Variants in SEMA6A observed in about 807,000 individuals in gnomAD.
SEMA6A encodes semaphorin 6A, also known as semaphorin-6A.
SEMA6A carries 25 observed loss-of-function variants against 96.8 expected under a neutral mutation model. That is an observed-to-expected ratio of 0.26 (90% CI 0.19 to 0.36). The LOEUF (loss-of-function observed/expected upper bound fraction) is 0.36, where lower values mean the gene tolerates loss of function less well. SEMA6A is among the 10% of genes least tolerant of loss of function. The probability of loss-of-function intolerance (pLI) is 1.00; values close to 1 mark genes in which losing one functional copy is unlikely to be tolerated. For synonymous variants in SEMA6A, 612 were observed against 518.0 expected (o/e 1.18, Z -2.46); for missense variants, 1,363 against 1,323.1 (o/e 1.03, Z -0.47).
chr5:116,510,891 G>A (rs748082633), intron 1 of SEMA6A, among the ~76,000 whole-genome samples: 3 of 152,162 alleles, frequency 2.0e-5, no homozygotes, highest in Non-Finnish European at 4.4e-5. Context: ...AGAAAGGACT[G>A]GGTGGAAGTG....
At chr5:116,495,545 T>C (rs1463741848) in intron 5 of SEMA6A, 31 bp from the exon 6 acceptor site, 2 of 1,467,910 alleles carry the variant, frequency 1.4e-6, no homozygotes, top group Admixed American at 3.9e-5. Flanking sequence ...TTTTGTATCA[T>C]GTCCATTCAG....
intron 1 of SEMA6A, among the ~76,000 whole-genome samples, chr5:116,518,302 G>A (rs1758760475): frequency 1.3e-5 from 2 of 152,136 alleles, no homozygotes; most frequent in African/African-American, 4.8e-5. Context: ...TTTTAAGTCT[G>A]AAATAAAATG....
At chr5:116,466,137 G>A (rs1322317524) in intron 18 of SEMA6A, among the ~76,000 whole-genome samples, 5 of 150,766 alleles carry the variant, frequency 3.3e-5, no homozygotes, top group Non-Finnish European at 7.4e-5. Flanking sequence ...TTGGGAAGCC[G>A]AGGCGGGTGG....
intron 1 of SEMA6A, among the ~76,000 whole-genome samples, chr5:116,532,738 AGACTTATCG>A (rs2112843693): frequency 6.6e-6 from 1 of 152,212 alleles, no homozygotes; most frequent in East Asian, 1.9e-4. Context: ...GAATCAGTAA[AGACTTATCG>A]GTACTGGAAA....
chr5:116,504,586 C>G (rs1451550137), intron 2 of SEMA6A, among the ~76,000 whole-genome samples: 2 of 152,162 alleles, frequency 1.3e-5, no homozygotes, highest in Non-Finnish European at 2.9e-5. Context: ...ACACGGCAGC[C>G]TCGATGTAGT....
In SEMA6A at chr5:116,473,365, C is replaced by A. The variant is rs528462056; in HGVS notation, c.1709-272G>T. On this transcript the variant is annotated intron_variant, in intron 16 of 18. Coordinates refer to ENST00000343348, the MANE Select transcript of SEMA6A (RefSeq NM_020796.5). ...CAAGAGTTGGCAGACGAAATGGTAA[C>A]TGCAATTATAGGTGACTTCGAGAGT... is the stretch of plus-strand genomic sequence containing the variant. Among the ~76,000 whole-genome samples the A allele has an allele frequency of 2.6e-5, 4 of 152,332 alleles. No homozygotes were observed. The South Asian group carries it at 8.3e-4, about 32-fold the overall frequency.
At chr5:116,518,971 T>C (rs1387945122) in intron 1 of SEMA6A, among the ~76,000 whole-genome samples, 2 of 152,036 alleles carry the variant, frequency 1.3e-5, no homozygotes, top group African/African-American at 4.8e-5. Context: ...TCCTACTGGG[T>C]TAACATAGTC....
chr5:116,541,607 C>T (rs1412191245), intron 1 of SEMA6A, among the ~76,000 whole-genome samples: 1 of 152,120 alleles, frequency 6.6e-6, no homozygotes, highest in Admixed American at 6.5e-5. Context: ...CTGAGGTGAG[C>T]TGATCACCTG....
chr5:116,454,256 C>G (rs947013670), intron 18 of SEMA6A, among the ~76,000 whole-genome samples: 2 of 152,100 alleles, frequency 1.3e-5, no homozygotes, highest in South Asian at 2.1e-4. Context: ...TGTGTTGGGT[C>G]TGAGAGCTAA....
At position 116,446,524 on chromosome 5, in the gene SEMA6A, G is replaced by T; in HGVS notation, c.*89C>A. On this transcript the variant is annotated 3_prime_UTR_variant, in exon 19 of 19. Coordinates refer to ENST00000343348, the MANE Select transcript of SEMA6A (RefSeq NM_020796.5). ...CTGCCGCAGGCCTTCTTGGTCTGGT[G>T]GGTACTCGAGGCAGTTGAGAACCTT... 1 of 1,126,752 alleles carries T rather than the reference G, an allele frequency of 8.9e-7. No individual in the cohort carries two copies. Among genetic ancestry groups the T allele is most frequent in the South Asian group, 1.9e-5 (1 of 51,800 alleles). The allele number at this position is 1,126,752 out of a possible 1,614,324, so 69.8% of individuals were successfully genotyped here. A position where few individuals can be genotyped will look rare whatever the true frequency, so the allele number is the denominator to read the frequency against.
rs141384844 is a variant in SEMA6A at position 116,493,588 on chromosome 5, C to T, written c.445-1758G>A. ...TTTTGTGCCTGAGCCACATGCCTCA[C>T]TTGCTCCACCCTAATCCTGGCCCTG... On this transcript the variant is annotated intron_variant, in intron 6 of 18. Transcript: ENST00000343348. Among the ~76,000 whole-genome samples, 29 of 152,264 alleles carry T rather than the reference C, an allele frequency of 1.9e-4. No homozygotes were observed. In the East Asian group the frequency reaches 5.6e-3, roughly 29 times the overall value.
In SEMA6A at chr5:116,477,888, A is replaced by T; in HGVS notation, c.1607T>A (p.Ile536Lys). 6.2e-7 allele frequency: 1 copy of T among 1,613,928 alleles called. No homozygotes were observed. Among genetic ancestry groups the T allele is most frequent in the Non-Finnish European group, 8.5e-7 (1 of 1,179,846 alleles). The change falls in exon 15 of 19, where the codon ATA becomes AAA. Residue 536 changes from isoleucine to lysine, a missense_variant. Coordinates refer to ENST00000343348, the MANE Select transcript of SEMA6A (RefSeq NM_020796.5). ...ATGGCTGCAGGCACCACCTTCCTTT[A>T]TCCATCCACAATATGGGTCTCTGGA... ...IASRDPYCGW[I>K]KEGGACSHLS...
intron 10 of SEMA6A, 33 bp downstream of exon 10, chr5:116,486,716 T>C (rs908515718): frequency 4.5e-6 from 7 of 1,561,308 alleles, no homozygotes; most frequent in Non-Finnish European, 4.4e-6. Context: ...CCAGGAAGAA[T>C]TGATGAGGTC....
chr5:116,518,612 AC>A (rs1758778182), intron 1 of SEMA6A, among the ~76,000 whole-genome samples: 1 of 152,230 alleles, frequency 6.6e-6, no homozygotes, highest in Non-Finnish European at 1.5e-5. Context: ...TGTGAGACAC[AC>A]ACCCAGCCCT....
Position 116,555,985 on chromosome 5 carries a change from AAT to A in SEMA6A, c.-39+18198_-39+18199del, listed in dbSNP as rs1300515584. Among the ~76,000 whole-genome samples, 4 of 152,350 alleles carry A rather than the reference AAT, an allele frequency of 2.6e-5. No individual in the cohort carries two copies. The East Asian group carries it at 5.8e-4, about 22-fold the overall frequency. On this transcript the variant is annotated intron_variant, in intron 1 of 18. Coordinates refer to ENST00000343348, the MANE Select transcript of SEMA6A (RefSeq NM_020796.5). ...ATTCAGAAAACTCACCCAGTGAGGA[AAT>A]ACTTGATATTATGACCTCGGAGTTT... is the stretch of plus-strand genomic sequence containing the variant.
At position 116,479,612 on chromosome 5, in the gene SEMA6A, C is replaced by G. The variant is rs1580412542; in HGVS notation, c.1250+510G>C. On this transcript the variant is annotated intron_variant, in intron 12 of 18. Coordinates refer to ENST00000343348, the MANE Select transcript of SEMA6A (RefSeq NM_020796.5). ...TACAAGGAAGAGTTTTTTAATACTA[C>G]CACAGATCTCTAATTGGCTGTCCCT... Among the ~76,000 whole-genome samples, 3 of 152,274 alleles carry G rather than the reference C, an allele frequency of 2.0e-5. No homozygotes were observed. The East Asian group carries it at 5.8e-4, about 29-fold the overall frequency.
chr5:116,485,464 C>T (rs987916832), intron 10 of SEMA6A, among the ~76,000 whole-genome samples: 1 of 152,164 alleles, frequency 6.6e-6, no homozygotes, highest in African/African-American at 2.4e-5. Flanking sequence ...GTCTAAAAAT[C>T]CCTACAGATG....
At chr5:116,512,407 G>A (rs1758451874) in intron 1 of SEMA6A, among the ~76,000 whole-genome samples, 1 of 152,120 alleles carries the variant, frequency 6.6e-6, no homozygotes, top group African/African-American at 2.4e-5. Flanking sequence ...CACCCATTTT[G>A]GAGGAAAGGG....
intron 10 of SEMA6A, among the ~76,000 whole-genome samples, chr5:116,485,177 C>T (rs573308065): frequency 2.6e-5 from 4 of 152,258 alleles, no homozygotes; most frequent in African/African-American, 7.2e-5. Context: ...GTGGATATTT[C>T]TTAGGGGCCG....
Sources: allele counts gnomAD v4.1 joint callset (sites outside exome capture counted in the v4.1 genomes callset), GRCh38; gene constraint gnomAD v4.1.1; transcripts MANE v1.5; gene names NCBI Gene and HGNC (gene_info 2026-07-23, HGNC 2026-07-21).